The following CFHR2 variants were observed in gnomAD, a reference collection of about 807,000 sequenced individuals.
CFHR2 encodes complement factor H-related protein 2.
A neutral mutation model predicts 21.7 loss-of-function variants in CFHR2; 22 were observed. The observed-to-expected ratio is 1.01, with a 90% CI of 0.72 to 1.45. The LOEUF (loss-of-function observed/expected upper bound fraction) is 1.45. Ranked by LOEUF, CFHR2 falls within the 40% of genes most tolerant of loss-of-function variation. The probability of loss-of-function intolerance (pLI) is 0.00; values close to 1 mark genes in which losing one functional copy is unlikely to be tolerated. For missense variants in CFHR2, 294 were observed against 293.3 expected (o/e 1.00, Z -0.02); for synonymous variants, 98 against 97.4 (o/e 1.01, Z -0.04).
intron 2 of CFHR2, 75 bp downstream of exon 2, chr1:196,949,724 C>T (rs1193945444): frequency 1.3e-6 from 2 of 1,571,124 alleles, no homozygotes; most frequent in Non-Finnish European, 1.7e-6. Flanking sequence ...AGATCATAAA[C>T]ACTTGATAAT....
At chr1:196,957,437 A>G (rs902411710) in intron 3 of CFHR2, among the ~76,000 whole-genome samples, 2 of 150,460 alleles carry the variant, frequency 1.3e-5, no homozygotes, top group Non-Finnish European at 3.0e-5. Flanking sequence ...TGCCAATACC[A>G]AGAATCCAGC....
At chr1:196,951,278 A>C (rs1398539594) in intron 3 of CFHR2, among the ~76,000 whole-genome samples, 1 of 152,196 alleles carries the variant, frequency 6.6e-6, no homozygotes, top group Non-Finnish European at 1.5e-5. Context: ...AATCCCTTGA[A>C]GTTTAAGTAA....
chr1:196,957,762 C>A, intron 3 of CFHR2, 129 bp from the exon 4 acceptor site: 1 of 790,132 alleles, frequency 1.3e-6, no homozygotes. Flanking sequence ...AAATTTTACT[C>A]CGGGAATCAT....
chr1:196,947,795 G>T (rs1353627889), intron 1 of CFHR2, among the ~76,000 whole-genome samples: 17 of 152,084 alleles, frequency 1.1e-4, no homozygotes, highest in Admixed American at 4.6e-4. Context: ...CATACTCAAA[G>T]ATAAAGTATA....
intron 1 of CFHR2, among the ~76,000 whole-genome samples, chr1:196,944,554 T>A (rs1659404272): frequency 6.6e-6 from 1 of 151,918 alleles, no homozygotes; most frequent in East Asian, 1.9e-4. Flanking sequence ...CTTCTTATGA[T>A]ATTTTATAAA....
rs768938071 is a variant in CFHR2, at chr1:196,950,851, G to A, written c.254-1G>A. The A allele has an allele frequency of 1.9e-6, 3 of 1,612,992 alleles. No homozygotes were observed. Among genetic ancestry groups the A allele is most frequent in the Non-Finnish European group, 2.5e-6 (3 of 1,179,788 alleles). On this transcript the variant is annotated splice_acceptor_variant, in intron 2 of 4. Transcript: ENST00000367415. LOFTEE classifies it high-confidence loss of function. ...TCTATTAATCTGTTTTTGGTCTTTA[G>A]GACTGTGTTTCTTTCCTTTTGTGGA...
In CFHR2 at chr1:196,949,524, C is replaced by T. The variant is rs867746464; in HGVS notation, c.128C>T (p.Ser43Phe). Residue 43 changes from serine (S) to phenylalanine (F), a missense_variant, in exon 2 of 5, where the codon TCC becomes TTC. Physicochemically the swap from Ser to Phe is radical, Grantham distance 155. Transcript: ENST00000367415. ...GATGAAGAAAAATATAAGCCATTTT[C>T]CCAAGTTCCTACAGGGGAAGTTTTC... ...LYDEEKYKPF[S>F]QVPTGEVFYY... The T allele has an allele frequency of 1.2e-6, 2 of 1,613,934 alleles. No homozygotes were observed.
chr1:196,946,987 T>C (rs572125737), intron 1 of CFHR2, among the ~76,000 whole-genome samples: 1 of 152,324 alleles, frequency 6.6e-6, no homozygotes, highest in South Asian at 2.1e-4. Context: ...AGTAATATAT[T>C]ACACTGCTAT....
At position 196,958,067 on chromosome 1, in the gene CFHR2, T is replaced by A. The variant is rs1446034296; in HGVS notation, c.607T>A (p.Cys203Ser). The A allele has an allele frequency of 6.2e-7, 1 of 1,613,056 alleles. No individual in the cohort carries two copies. Among genetic ancestry groups the A allele is most frequent in the Non-Finnish European group, 8.5e-7 (1 of 1,179,286 alleles). Residue 203 changes from cysteine (C) to serine (S), a missense_variant, in exon 4 of 5, where the codon TGC becomes AGC. By Grantham distance (112) the Cys-to-Ser change is moderately radical (BLOSUM62 -1). Transcript: ENST00000367415. ...RNGQWSEPPKCLDPCVISQEI... is the reference protein window; with the variant it reads ...RNGQWSEPPKSLDPCVISQEI... ...CGGACAATGGTCAGAACCACCAAAA[T>A]GCTTAGGTAAGTACTTTAATATTCT...
At position 196,959,042 on chromosome 1, in the gene CFHR2, A is replaced by G. The variant is rs1324348300; in HGVS notation, c.775A>G (p.Asn259Asp). 1.2e-6 allele frequency: 2 copies of G among 1,612,320 alleles called. No homozygotes were observed. Among genetic ancestry groups the G allele is most frequent in the Non-Finnish European group, 1.7e-6 (2 of 1,178,944 alleles). The change falls in exon 5 of 5, where the codon AAT becomes GAT. Residue 259 changes from asparagine to aspartate, a missense_variant. Coordinates refer to ENST00000367415, the MANE Select transcript of CFHR2 (RefSeq NM_005666.4). ...KSHSFRAMCQ[N>D]GKLVYPSCEE... ...TCATTCATTTCGAGCAATGTGTCAGAATGGGAAACTGGTATATCCCAGTTG... is the reference window on the plus strand; with the variant it reads ...TCATTCATTTCGAGCAATGTGTCAGGATGGGAAACTGGTATATCCCAGTTG...
chr1:196,949,756 A>T, intron 2 of CFHR2, 107 bp downstream of exon 2: 2 of 1,408,258 alleles, frequency 1.4e-6, no homozygotes, highest in Admixed American at 3.7e-5. Flanking sequence ...TGACCAGAGG[A>T]GCTGGAAAGA....
At position 196,958,938 on chromosome 1, in the gene CFHR2, CA is replaced by C. The variant is rs1323977486; in HGVS notation, c.674del (p.Asn225ThrfsTer12). On this transcript the variant is annotated frameshift_variant, in exon 5 of 5. Transcript: ENST00000367415. LOFTEE classifies it low-confidence loss of function (END_TRUNC). ...MEKYNIKLKW[T>X]NQQKLYSRTG... ...AAATATAACATAAAATTAAAGTGGA[CA>C]AACCAACAAAAGCTTTATTCAAGAA... 1.2e-6 allele frequency: 2 copies of C among 1,603,450 alleles called. No homozygotes were observed. Among genetic ancestry groups the C allele is most frequent in the Non-Finnish European group, 1.7e-6 (2 of 1,171,362 alleles).
At chr1:196,947,128 T>C (rs1372085550) in intron 1 of CFHR2, among the ~76,000 whole-genome samples, 1 of 148,676 alleles carries the variant, frequency 6.7e-6, no homozygotes, top group Non-Finnish European at 1.5e-5. Context: ...TGTATATATG[T>C]ATGTGTGTGT....
chr1:196,952,171 A>T (rs996013655), intron 3 of CFHR2, among the ~76,000 whole-genome samples: 2 of 152,068 alleles, frequency 1.3e-5, no homozygotes, highest in Non-Finnish European at 2.9e-5. Context: ...AGCCACTGGT[A>T]AGTCTGAAGT....
intron 4 of CFHR2, 37 bp from the exon 5 acceptor site, chr1:196,958,844 T>A (rs769423571): frequency 4.5e-6 from 6 of 1,327,100 alleles, no homozygotes; most frequent in Non-Finnish European, 1.1e-6. Flanking sequence ...ATTTGCATAC[T>A]ACTTAATGTT....
At chr1:196,950,096 C>T (rs1337512698) in intron 2 of CFHR2, among the ~76,000 whole-genome samples, 1 of 152,060 alleles carries the variant, frequency 6.6e-6, no homozygotes, top group African/African-American at 2.4e-5. Flanking sequence ...GCTATATTAA[C>T]CCTCCAATAA....
chr1:196,946,454 T>C (rs1260538994), intron 1 of CFHR2, among the ~76,000 whole-genome samples: 1 of 152,220 alleles, frequency 6.6e-6, no homozygotes, highest in Non-Finnish European at 1.5e-5. Flanking sequence ...TCTTTCGAGA[T>C]AATATTTAGC....
At chr1:196,954,194 C>A (rs1432214511) in intron 3 of CFHR2, among the ~76,000 whole-genome samples, 2 of 152,196 alleles carry the variant, frequency 1.3e-5, no homozygotes, top group East Asian at 3.9e-4. Context: ...GCGAAATTGG[C>A]CAAAAGAAAG....
chr1:196,951,312 C>T (rs1053368312), intron 3 of CFHR2, among the ~76,000 whole-genome samples: 3 of 152,068 alleles, frequency 2.0e-5, no homozygotes, highest in African/African-American at 4.8e-5. Context: ...TTTATAGTAT[C>T]GGGTTAGTTG....
Sources: allele counts gnomAD v4.1 joint callset (sites outside exome capture counted in the v4.1 genomes callset), GRCh38; gene constraint gnomAD v4.1.1; transcripts MANE v1.5; gene names NCBI Gene and HGNC (gene_info 2026-07-23, HGNC 2026-07-21).